Variants in MAP3K15 observed in about 807,000 individuals in gnomAD.
MAP3K15 encodes mitogen-activated protein kinase kinase kinase 15.
MAP3K15 carries 124 observed loss-of-function variants against 99.5 expected under a neutral mutation model. That is an observed-to-expected ratio of 1.25 (90% CI 1.08 to 1.45). The LOEUF (loss-of-function observed/expected upper bound fraction) is 1.45, where lower values mean the gene tolerates loss of function less well. Among genes scored for constraint, MAP3K15 ranks in the 40% most tolerant of loss-of-function variants. The pLI, the probability that MAP3K15 is intolerant of heterozygous loss-of-function variation, is 0.00. For missense variants in MAP3K15, 1,242 were observed against 1,079.7 expected (o/e 1.15, Z -2.11); for synonymous variants, 494 against 439.6 (o/e 1.12, Z -1.55).
chrX:19,415,343 C>A, intron 9 of MAP3K15, 86 bp from the exon 10 acceptor site: 6 of 831,022 alleles, frequency 7.2e-6, no homozygotes, highest in Admixed American at 4.3e-5. Context: ...TTTCCAAAAG[C>A]TTTTATTCAC....
chrX:19,412,733 A>G (rs1195988843), intron 11 of MAP3K15, among the ~76,000 whole-genome samples: 1 of 110,873 alleles, frequency 9.0e-6, no homozygotes, highest in African/African-American at 3.3e-5. Context: ...TTCTAAAAAT[A>G]TATTACTATT....
In MAP3K15 at chrX:19,361,348, A is replaced by C; in HGVS notation, c.3848T>G (p.Leu1283Arg). 8.3e-7 allele frequency: 1 copy of C among 1,203,562 alleles called. No individual in the cohort carries two copies. Among genetic ancestry groups the C allele is most frequent in the Non-Finnish European group, 1.1e-6 (1 of 888,989 alleles). ...NEITKEDLRYLRLRGGLLCRL... is the reference protein window; with the variant it reads ...NEITKEDLRYRRLRGGLLCRL... ...GTTTTGAGGCTCTTACCGTAGTCGAAGGTATCTTAGATCTTCCTTAGTGAT... is the reference window on the plus strand; with the variant it reads ...GTTTTGAGGCTCTTACCGTAGTCGACGGTATCTTAGATCTTCCTTAGTGAT... The change falls in exon 28 of 29, where the codon CTT becomes CGT. Residue 1283 changes from leucine (L) to arginine (R), a missense_variant. Physicochemically the swap from Leu to Arg is moderately radical, Grantham distance 102. Transcript: ENST00000338883.
intron 5 of MAP3K15, among the ~76,000 whole-genome samples, chrX:19,459,330 G>A (rs1056996387): frequency 8.9e-6 from 1 of 111,902 alleles, no homozygotes; most frequent in African/African-American, 3.2e-5. Flanking sequence ...GTTGTTAAGA[G>A]GATTAAATGA....
chrX:19,489,337 T>C (rs2064350915), intron 1 of MAP3K15, among the ~76,000 whole-genome samples: 1 of 111,014 alleles, frequency 9.0e-6, no homozygotes, highest in East Asian at 2.8e-4. Flanking sequence ...AGTCAGAGGG[T>C]TACCTGCACT....
chrX:19,399,547 G>C (rs1275584205), intron 14 of MAP3K15, among the ~76,000 whole-genome samples: 1 of 101,904 alleles, frequency 9.8e-6, no homozygotes, highest in Non-Finnish European at 2.0e-5. Context: ...CTGGGTAACA[G>C]AGGAAGACTC....
chrX:19,370,981 G>A lies in MAP3K15; in HGVS notation c.3378C>T (p.Ala1126=), dbSNP rs143117337. 4.2e-5 allele frequency: 50 copies of A among 1,180,164 alleles called. No homozygotes were observed. Among genetic ancestry groups the A allele is most frequent in the African/African-American group, 2.7e-4 (15 of 54,580 alleles). Residue 1126 remains alanine (A), a synonymous_variant, in exon 24 of 29, where the codon GCC becomes GCT. Transcript: ENST00000338883. The part of the protein sequence containing the change: ...MDNIIRRAVQ[A]AVTILIPELR... ...CACCTGGGATGAGAATGGTGACCGC[G>A]GCCTGCACCGCTCGGCGGATGATGT...
intron 25 of MAP3K15, among the ~76,000 whole-genome samples, chrX:19,368,645 T>G (rs911719582): frequency 9.0e-6 from 1 of 111,541 alleles, no homozygotes; most frequent in African/African-American, 3.3e-5. Context: ...GTACATCCAC[T>G]GATGAAGTGC....
intron 7 of MAP3K15, among the ~76,000 whole-genome samples, chrX:19,431,077 A>G (rs1165609870): frequency 9.0e-6 from 1 of 111,707 alleles, no homozygotes; most frequent in Non-Finnish European, 1.9e-5. Context: ...GTAAGCCATC[A>G]CTGAACATTG....
In MAP3K15 at chrX:19,360,754, CCTTGT is replaced by C. The variant is rs775059849; in HGVS notation, c.3932_3936del (p.Asp1311GlyfsTer7). 1 of 1,204,616 alleles carries C rather than the reference CCTTGT, an allele frequency of 8.3e-7. No individual in the cohort carries two copies. Among genetic ancestry groups the C allele is most frequent in the East Asian group, 3.0e-5 (1 of 33,688 alleles). ...CACAGCTTAGCTGATTGGTATCAAG[CCTTGT>C]CTTTGGTTTCTGAGGCCTCCTGAGC... On this transcript the variant is annotated frameshift_variant, in exon 29 of 29. Transcript: ENST00000338883. LOFTEE classifies it high-confidence loss of function.
intron 6 of MAP3K15, among the ~76,000 whole-genome samples, chrX:19,450,794 A>G (rs1188702569): frequency 9.1e-6 from 1 of 109,347 alleles, no homozygotes; most frequent in African/African-American, 3.3e-5. Flanking sequence ...GTGAGGAGCA[A>G]TGAAGACAGA....
intron 3 of MAP3K15, among the ~76,000 whole-genome samples, chrX:19,484,812 G>C (rs989049597): frequency 1.8e-5 from 2 of 111,926 alleles, no homozygotes; most frequent in Admixed American, 9.5e-5. Flanking sequence ...TACAGATGTT[G>C]AGGGCTAGAA....
chrX:19,489,080 GT>G, intron 1 of MAP3K15, 113 bp from the exon 2 acceptor site: 1 of 672,764 alleles, frequency 1.5e-6, no homozygotes, highest in Non-Finnish European at 2.2e-6. Context: ...TCATCAGCCT[GT>G]TAGGTAAAGT....
chrX:19,467,352 A>G lies in MAP3K15; in HGVS notation c.526-2946T>C, dbSNP rs781361472. Among the ~76,000 whole-genome samples, 20 of 110,660 alleles carry G rather than the reference A, an allele frequency of 1.8e-4. No individual in the cohort carries two copies. The East Asian group carries it at 4.3e-3, about 24-fold the overall frequency. On this transcript the variant is annotated intron_variant, in intron 3 of 28. Coordinates refer to ENST00000338883, the MANE Select transcript of MAP3K15 (RefSeq NM_001001671.4). ...CTCCTTAGAAGACCAGGCCACCAAC[A>G]TTCTTATTCCTCGCAGCCTGATATT... is the stretch of plus-strand genomic sequence containing the variant.
rs752135211 is a variant in MAP3K15 at position 19,362,088 on chromosome X, C to T, written c.3680-495G>A. On this transcript the variant is annotated intron_variant, in intron 26 of 28. Coordinates refer to ENST00000338883, the MANE Select transcript of MAP3K15 (RefSeq NM_001001671.4). ...GTCCAATGTGCTATGAAGGTGGCAG[C>T]ACAGATACAGAAATGACTGTCACTC... is the stretch of plus-strand genomic sequence containing the variant. Among the ~76,000 whole-genome samples the T allele has an allele frequency of 2.7e-5, 3 of 110,989 alleles. No homozygotes were observed. In the East Asian group the frequency reaches 8.5e-4, roughly 32 times the overall value.
Position 19,371,391 on chromosome X carries a change from G to A in MAP3K15, c.3248C>T (p.Ser1083Leu), listed in dbSNP as rs781184127. The change falls in exon 23 of 29, where the codon TCG becomes TTG. Residue 1083 changes from serine to leucine, a missense_variant. Ser to Leu is a moderately radical substitution (Grantham distance 145). Transcript: ENST00000338883. ...KLKVDLDFDS[S>L]SISQIHLVLF... ...CACCAGGTGAATCTGACTGATGGAC[G>A]AGCTGTCAAAGTCCAGGTCCACCTT... 9.1e-6 allele frequency: 11 copies of A among 1,210,786 alleles called. No homozygotes were observed. The highest frequency in any genetic ancestry group is 1.1e-5 in the Non-Finnish European group (10 of 894,829).
chrX:19,510,281 G>A (rs1475528994), intron 1 of MAP3K15, among the ~76,000 whole-genome samples: 6 of 111,690 alleles, frequency 5.4e-5, no homozygotes, highest in Non-Finnish European at 9.4e-5. Flanking sequence ...GATGAACATC[G>A]ATGTGAAAAT....
At chrX:19,379,859 C>T (rs951572659) in intron 19 of MAP3K15, among the ~76,000 whole-genome samples, 2 of 111,384 alleles carry the variant, frequency 1.8e-5, no homozygotes, top group African/African-American at 6.5e-5. Context: ...TACTTGAGGA[C>T]TAGTTACGGT....
In MAP3K15 at chrX:19,471,541, C is replaced by T. The variant is rs761677486; in HGVS notation, c.526-7135G>A. On this transcript the variant is annotated intron_variant, in intron 3 of 28. Transcript: ENST00000338883. ...TCTCCCAAAGTGCTGGGATTACAGG[C>T]ATGAGCCACCGTGCCCGGCCCCAGA... Among the ~76,000 whole-genome samples, 3 of 111,163 alleles carry T rather than the reference C, an allele frequency of 2.7e-5. No individual in the cohort carries two copies. In the East Asian group the frequency reaches 8.5e-4, roughly 32 times the overall value.
rs1569229793 is a variant in MAP3K15, at chrX:19,452,353, AGAGAAGAGAAGAGAAGAGAAGAG to A, written c.995+4537_995+4559del. ...GAGAAGAGAAGAGAAGAGAAGAGAA[AGAGAAGAGAAGAGAAGAGAAGAG>A]AGAAAAGAAAAGAGAAAAGAAAAGA... On this transcript the variant is annotated intron_variant, in intron 6 of 28. Coordinates refer to ENST00000338883, the MANE Select transcript of MAP3K15 (RefSeq NM_001001671.4). 1.3e-4 allele frequency among the ~76,000 whole-genome samples: 7 copies of A among 53,624 alleles called. 1 individual carries two copies. The highest frequency in any genetic ancestry group is 8.5e-3 in the Middle Eastern group (1 of 117). The allele number at this position is 53,624 out of a possible 115,157, so 46.6% of individuals were successfully genotyped here. A position where few individuals can be genotyped will look rare whatever the true frequency, so the allele number is the denominator to read the frequency against.
Sources: gnomAD v4.1 joint callset for allele counts (sites outside exome capture counted in the v4.1 genomes callset) on GRCh38, gnomAD v4.1.1 for gene constraint, MANE v1.5 for transcripts, NCBI Gene and HGNC (gene_info 2026-07-23, HGNC 2026-07-21) for gene names.